ZHX2: variants seen among roughly 807,000 people sequenced by gnomAD.
The protein encoded by ZHX2 is zinc fingers and homeoboxes 2, also known as zinc fingers and homeoboxes protein 2.
Under a neutral mutation model 21.9 loss-of-function variants are expected in ZHX2, and 6 were observed. The observed-to-expected ratio is 0.27, with a 90% CI of 0.15 to 0.54. The LOEUF is 0.54. Ranked by LOEUF, ZHX2 falls within the 20% of genes least tolerant of loss-of-function variation. The pLI, the probability that ZHX2 is intolerant of heterozygous loss-of-function variation, is 0.95. For synonymous variants in ZHX2, 434 were observed against 437.1 expected, an observed-to-expected ratio of 0.99 and a Z score of 0.09; for missense variants, 908 against 1,090.7, an observed-to-expected ratio of 0.83 and a Z score of 2.36.
chr8:122,819,423 C>T (rs1426962643), intron 1 of ZHX2, among the ~76,000 whole-genome samples: 3 of 152,238 alleles, frequency 2.0e-5, no homozygotes. Context: ...GCTCTCCATC[C>T]TCAGGAGGAG....
At chr8:122,790,995 A>T (rs1048120298) in intron 1 of ZHX2, among the ~76,000 whole-genome samples, 3 of 152,244 alleles carry the variant, frequency 2.0e-5, no homozygotes. Context: ...GAAGCCAGGC[A>T]GGCTTGTGCC....
intron 1 of ZHX2, among the ~76,000 whole-genome samples, chr8:122,810,255 C>T (rs1248130842): frequency 6.6e-6 from 1 of 152,180 alleles, no homozygotes; most frequent in East Asian, 1.9e-4. Flanking sequence ...CTATAAACGT[C>T]AGTTTCCTTT....
chr8:122,852,345 T>C (rs566996407), intron 1 of ZHX2, among the ~76,000 whole-genome samples: 1 of 152,314 alleles, frequency 6.6e-6, no homozygotes, highest in Non-Finnish European at 1.5e-5. Flanking sequence ...CTCTTATTTC[T>C]GAATCCTAGA....
chr8:122,922,886 A>G (rs1820771847), intron 2 of ZHX2, among the ~76,000 whole-genome samples: 1 of 152,176 alleles, frequency 6.6e-6, no homozygotes, highest in African/African-American at 2.4e-5. Context: ...TGTGTAATAG[A>G]GATTCTTTTC....
rs1817306891 is a variant in ZHX2 at position 122,782,431 on chromosome 8, C to T, written c.-283+485C>T. On this transcript the variant is annotated intron_variant, in intron 1 of 3. Coordinates refer to ENST00000314393, the MANE Select transcript of ZHX2 (RefSeq NM_014943.5). The surrounding 1 kb of genome is among the most constrained non-coding windows in gnomAD (Gnocchi z 5.3). ...CGCTTTGTGCAAACGGGGCAGGTCC[C>T]GCGGGGACTCCACCGGGACGTGGCC... 6.6e-6 allele frequency among the ~76,000 whole-genome samples: 1 copy of T among 152,068 alleles called. No homozygotes were observed. The highest frequency in any genetic ancestry group is 6.5e-5 in the Admixed American group (1 of 15,276).
chr8:122,784,658 A>G (rs1817358465), intron 1 of ZHX2, among the ~76,000 whole-genome samples: 1 of 152,250 alleles, frequency 6.6e-6, no homozygotes, highest in Non-Finnish European at 1.5e-5. Context: ...AATGTTCATT[A>G]TACTAATAAG....
intron 1 of ZHX2, among the ~76,000 whole-genome samples, chr8:122,789,044 T>TG: frequency 6.6e-6 from 1 of 152,316 alleles, no homozygotes; most frequent in East Asian, 1.9e-4. Flanking sequence ...GGAATCCCCG[T>TG]GGGCTGAAAG....
intron 1 of ZHX2, among the ~76,000 whole-genome samples, chr8:122,809,394 G>A (rs1321287487): frequency 6.6e-6 from 1 of 152,196 alleles, no homozygotes; most frequent in Non-Finnish European, 1.5e-5. Flanking sequence ...CAGCTACTGG[G>A]GAGGCTGAGG....
chr8:122,921,482 T>A (rs375595339), intron 2 of ZHX2, among the ~76,000 whole-genome samples: 7 of 152,076 alleles, frequency 4.6e-5, no homozygotes, highest in South Asian at 2.1e-4. Context: ...GCCCCTCCCC[T>A]GGGGGTTTGG....
intron 1 of ZHX2, among the ~76,000 whole-genome samples, chr8:122,846,929 G>A (rs1052862560): frequency 1.3e-5 from 2 of 152,044 alleles, no homozygotes; most frequent in Non-Finnish European, 2.9e-5. Context: ...TAGCAGCCAC[G>A]AGCATGTGAA....
intron 1 of ZHX2, among the ~76,000 whole-genome samples, chr8:122,836,868 C>T (rs1025520832): frequency 1.3e-5 from 2 of 152,340 alleles, no homozygotes; most frequent in East Asian, 1.9e-4. Flanking sequence ...GAATCTTACA[C>T]TACTGGGCTG....
intron 1 of ZHX2, among the ~76,000 whole-genome samples, chr8:122,786,784 C>A (rs1306744778): frequency 6.6e-6 from 1 of 151,712 alleles, no homozygotes; most frequent in Non-Finnish European, 1.5e-5. Context: ...AGGTACCACA[C>A]GTACGGTACC....
In ZHX2 at chr8:122,951,881, C is replaced by T. The variant is rs766631451; in HGVS notation, c.371C>T (p.Ser124Phe). The T allele has an allele frequency of 2.5e-6, 4 of 1,614,102 alleles. No homozygotes were observed. Residue 124 changes from serine to phenylalanine, a missense_variant, in exon 3 of 4, where the codon TCC becomes TTC. This residue lies in a region of ZHX2 where 220 missense variants were observed against 251.4 expected (regional missense o/e 0.88). Transcript: ENST00000314393. Reference protein sequence around the residue: ...ECNFTTKKYDSLSDHNSKFHP... With the variant: ...ECNFTTKKYDFLSDHNSKFHP... ...AACTTCACAACCAAAAAGTACGACT[C>T]CCTATCCGACCACAACTCCAAGTTC...
upstream of ZHX2, chr8:122,781,499 C>CT (rs1230590428): frequency 6.6e-6 from 1 of 152,468 alleles, no homozygotes; most frequent in Non-Finnish European, 1.5e-5. This position sits in a 1 kb window ranked among gnomAD's most constrained non-coding sequence, Gnocchi z 4.6. Flanking sequence ...GCCTTTAGGG[C>CT]TAGCCTCCCC....
chr8:122,933,566 C>G (rs1310574526), intron 2 of ZHX2, among the ~76,000 whole-genome samples: 1 of 151,782 alleles, frequency 6.6e-6, no homozygotes, highest in Non-Finnish European at 1.5e-5. Flanking sequence ...AGAAAGAATA[C>G]TTTGCCTGGG....
intron 2 of ZHX2, among the ~76,000 whole-genome samples, chr8:122,881,873 A>G (rs747583019): frequency 1.3e-5 from 2 of 152,164 alleles, no homozygotes; most frequent in African/African-American, 2.4e-5. Flanking sequence ...AAGTACCTGC[A>G]TTCATTTGGA....
intron 2 of ZHX2, among the ~76,000 whole-genome samples, chr8:122,870,783 C>T (rs1819413841): frequency 6.6e-6 from 1 of 151,950 alleles, no homozygotes; most frequent in South Asian, 2.1e-4. Context: ...GAAGGAGTGA[C>T]CCTCTCAACT....
At chr8:122,824,032 C>T (rs1818210099) in intron 1 of ZHX2, among the ~76,000 whole-genome samples, 1 of 151,974 alleles carries the variant, frequency 6.6e-6, no homozygotes, top group South Asian at 2.1e-4. Context: ...CTCAGAACTC[C>T]TCCATATATA....
chr8:122,805,628 G>A (rs1239938910), intron 1 of ZHX2, among the ~76,000 whole-genome samples: 3 of 152,044 alleles, frequency 2.0e-5, no homozygotes, highest in African/African-American at 7.2e-5. Context: ...AGGTTTAAAA[G>A]TTCAAAATGA....
Sources: gnomAD v4.1 joint callset for allele counts (sites outside exome capture counted in the v4.1 genomes callset) on GRCh38, gnomAD v4.1.1 for gene constraint, gnomAD v4.1.1 regional missense constraint, Gnocchi (gnomAD v3.1) non-coding constraint, MANE v1.5 for transcripts, NCBI Gene and HGNC (gene_info 2026-07-23, HGNC 2026-07-21) for gene names.